The following CCNI2 variants were observed in gnomAD, a reference collection of about 807,000 sequenced individuals.
CCNI2 encodes the protein cyclin I family member 2, also known as cyclin-I2.
In CCNI2, 32 loss-of-function variants were observed where a neutral mutation model predicts 33.2. The ratio of observed to expected loss-of-function variants is 0.96; its 90% CI spans 0.73 to 1.30. The LOEUF (loss-of-function observed/expected upper bound fraction) is 1.30. CCNI2 is among the 50% of genes most tolerant of loss of function. The pLI is 0.00. For synonymous variants in CCNI2, 231 were observed against 219.9 expected, an observed-to-expected ratio of 1.05 and a Z score of -0.45; for missense variants, 452 against 486.2, an observed-to-expected ratio of 0.93 and a Z score of 0.66.
Position 132,752,888 on chromosome 5 carries a change from G to A in CCNI2, c.1028G>A (p.Cys343Tyr). 1 of 1,613,934 alleles carries A rather than the reference G, an allele frequency of 6.2e-7. No homozygotes were observed. Among genetic ancestry groups the A allele is most frequent in the Non-Finnish European group, 8.5e-7 (1 of 1,179,886 alleles). The change falls in exon 6 of 6, where the codon TGC (cysteine) becomes TAC (tyrosine). Residue 343 changes from cysteine to tyrosine, a missense_variant. Physicochemically the swap from Cys to Tyr is radical, Grantham distance 194. Coordinates refer to ENST00000378731, the MANE Select transcript of CCNI2 (RefSeq NM_001039780.4). ...KAQVGDMQYS[C>Y]CKELVMQQLR... ...CAGGTTGGTGATATGCAGTACAGCTGCTGCAAGGAACTTGTAATGCAGCAA... is the reference window on the plus strand; with the variant it reads ...CAGGTTGGTGATATGCAGTACAGCTACTGCAAGGAACTTGTAATGCAGCAA...
rs1237442664 is a variant in CCNI2, at chr5:132,747,484, C to G, written c.-12C>G. On this transcript the variant is annotated 5_prime_UTR_variant, in exon 1 of 6. It adds an upstream start codon to the 5' untranslated region. Coordinates refer to ENST00000378731, the MANE Select transcript of CCNI2 (RefSeq NM_001039780.4). The surrounding 1 kb of genome is among the most constrained non-coding windows in gnomAD (Gnocchi z 4.1). The stretch of plus-strand genomic sequence containing the variant: ...TTAAGCGGCAACTCAGACTCAGGAT[C>G]CCGCTCACGACATGGCCTCGGGCGC... The G allele has an allele frequency of 1.4e-6, 2 of 1,449,780 alleles. No homozygotes were observed. Among genetic ancestry groups the G allele is most frequent in the East Asian group, 5.8e-5 (2 of 34,196 alleles). 89.8% of individuals were successfully genotyped at this position (1,449,780 alleles called of 1,614,324 possible).
At chr5:132,751,793 C>T in intron 4 of CCNI2, 173 bp from the exon 5 acceptor site, 1 of 750,676 alleles carries the variant, frequency 1.3e-6, no homozygotes, top group Non-Finnish European at 2.1e-6. Context: ...CTCAGCTTGG[C>T]CACAGGATGG....
intron 1 of CCNI2, 26 bp from the exon 2 acceptor site, chr5:132,748,321 G>C (rs905047214): frequency 1.2e-6 from 2 of 1,612,784 alleles, no homozygotes; most frequent in East Asian, 2.2e-5. Flanking sequence ...GACCTTCCTC[G>C]CCCCACCTGC....
Position 132,752,978 on chromosome 5 carries a change from G to A in CCNI2, c.*8G>A, listed in dbSNP as rs1167464711. 1 of 1,610,360 alleles carries A rather than the reference G, an allele frequency of 6.2e-7. No individual in the cohort carries two copies. The highest frequency in any genetic ancestry group is 1.3e-5 in the African/African-American group (1 of 74,832). On this transcript the variant is annotated 3_prime_UTR_variant, in exon 6 of 6. Transcript: ENST00000378731. ...GTGTCACCTGCCAACTAGCCCCTCT[G>A]CCTCCACCCCGGGGCTTTCAGAGCA...
Position 132,747,464 on chromosome 5 carries a change from CG to C in CCNI2, c.-30del. On this transcript the variant is annotated 5_prime_UTR_variant, in exon 1 of 6. Coordinates refer to ENST00000378731, the MANE Select transcript of CCNI2 (RefSeq NM_001039780.4). The surrounding 1 kb of genome is among the most constrained non-coding windows in gnomAD (Gnocchi z 4.1). ...CTGGGTTATAAAATGCCGGGTTAAG[CG>C]GCAACTCAGACTCAGGATCCCGCTC... 1 of 1,411,284 alleles carries C rather than the reference CG, an allele frequency of 7.1e-7. No individual in the cohort carries two copies. The highest frequency in any genetic ancestry group is 9.2e-7 in the Non-Finnish European group (1 of 1,089,396). 87.4% of individuals were successfully genotyped at this position (1,411,284 alleles called of 1,614,324 possible). A position where few individuals can be genotyped will look rare whatever the true frequency, so the allele number is the denominator to read the frequency against.
At chr5:132,752,409 G>T (rs1353385674) in intron 5 of CCNI2, among the ~76,000 whole-genome samples, 9 of 152,302 alleles carry the variant, frequency 5.9e-5, no homozygotes, top group African/African-American at 2.2e-4. Flanking sequence ...TGGACCAATG[G>T]GGGTGGTCTC....
chr5:132,747,606 T>G lies in CCNI2; in HGVS notation c.111T>G (p.Val37=). ...GAGLEETALG[V]PLPPSPGEAP... The stretch of plus-strand genomic sequence containing the variant: ...GTCTGGAGGAAACAGCCCTGGGCGT[T>G]CCTCTCCCGCCGTCTCCGGGGGAGG... Residue 37 remains valine (V), a synonymous_variant, in exon 1 of 6, where the codon GTT becomes GTG. Transcript: ENST00000378731. The surrounding 1 kb of genome is among the most constrained non-coding windows in gnomAD (Gnocchi z 4.1). 6.7e-7 allele frequency: 1 copy of G among 1,500,254 alleles called. No homozygotes were observed. The highest frequency in any genetic ancestry group is 8.8e-7 in the Non-Finnish European group (1 of 1,131,140). 92.9% of individuals were successfully genotyped at this position (1,500,254 alleles called of 1,614,324 possible).
chr5:132,748,299 G>A (rs758940686), intron 1 of CCNI2, 48 bp from the exon 2 acceptor site: 6 of 1,605,806 alleles, frequency 3.7e-6, no homozygotes, highest in Non-Finnish European at 5.1e-6. Flanking sequence ...GGGACCAGGA[G>A]TGGCCGCTAG....
chr5:132,747,621 T>C lies in CCNI2; in HGVS notation c.126T>C (p.Ser42=). The change falls in exon 1 of 6, where the codon TCT becomes TCC. Residue 42 remains serine (S), a synonymous_variant. Transcript: ENST00000378731. This position sits in a 1 kb window ranked among gnomAD's most constrained non-coding sequence, Gnocchi z 4.1. The stretch of plus-strand genomic sequence containing the variant: ...CCCTGGGCGTTCCTCTCCCGCCGTC[T>C]CCGGGGGAGGCCCCTCTGCCCCGAA... The part of the protein sequence containing the change: ...ETALGVPLPP[S]PGEAPLPRSN... 6.7e-7 allele frequency: 1 copy of C among 1,501,244 alleles called. No individual in the cohort carries two copies. Among genetic ancestry groups the C allele is most frequent in the Non-Finnish European group, 8.8e-7 (1 of 1,131,666 alleles). 93.0% of individuals were successfully genotyped at this position (1,501,244 alleles called of 1,614,324 possible). A position where few individuals can be genotyped will look rare whatever the true frequency, so the allele number is the denominator to read the frequency against.
intron 3 of CCNI2, 46 bp downstream of exon 3, chr5:132,749,468 G>C (rs1408861010): frequency 1.3e-6 from 2 of 1,494,048 alleles, no homozygotes; most frequent in South Asian, 2.3e-5. Flanking sequence ...TGAGGTATAG[G>C]GGTGTAACAT....
Position 132,752,170 on chromosome 5 carries a change from A to G in CCNI2, c.979A>G (p.Ile327Val), listed in dbSNP as rs1315998224. 19 of 1,585,218 alleles carry G rather than the reference A, an allele frequency of 1.2e-5. No individual in the cohort carries two copies. The highest frequency in any genetic ancestry group is 1.5e-5 in the Non-Finnish European group (17 of 1,164,534). Residue 327 changes from isoleucine to valine, a missense_variant, in exon 5 of 6, where the codon ATA (isoleucine) becomes GTA (valine). Coordinates refer to ENST00000378731, the MANE Select transcript of CCNI2 (RefSeq NM_001039780.4). ...ERLMPGWCAPISDLLKKAQVG... is the reference protein window; with the variant it reads ...ERLMPGWCAPVSDLLKKAQVG... ...GCTCATGCCCGGCTGGTGTGCTCCT[A>G]TATCTGATCTGCTAAAGAAAGCACA... is the stretch of plus-strand genomic sequence containing the variant.
downstream of CCNI2, chr5:132,756,034 A>G (rs1174020738): frequency 2.0e-6 from 2 of 985,274 alleles, no homozygotes; most frequent in African/African-American, 1.7e-5. Flanking sequence ...AATGAAAAAA[A>G]TAAGTACAAA....
Position 132,747,898 on chromosome 5 carries a change from C to T in CCNI2, c.403C>T (p.Arg135Cys). 7 of 1,394,214 alleles carry T rather than the reference C, an allele frequency of 5.0e-6. No individual in the cohort carries two copies. Among genetic ancestry groups the T allele is most frequent in the Non-Finnish European group, 6.5e-6 (7 of 1,082,020 alleles). 86.4% of individuals were successfully genotyped at this position (1,394,214 alleles called of 1,614,324 possible). ...GCAGCTGGCCCAGGACCGCGAGGCGCGCCTGTGGCGGGGCGGCAAACCCCA... is the reference window on the plus strand; with the variant it reads ...GCAGCTGGCCCAGGACCGCGAGGCGTGCCTGTGGCGGGGCGGCAAACCCCA... Reference protein sequence around the residue: ...HLQLAQDREARLWRGGKPQDE... With the variant: ...HLQLAQDREACLWRGGKPQDE... The change falls in exon 1 of 6, where the codon CGC becomes TGC. Residue 135 changes from arginine (R) to cysteine (C), a missense_variant. By Grantham distance (180) the Arg-to-Cys change is radical. Transcript: ENST00000378731. This position sits in a 1 kb window ranked among gnomAD's most constrained non-coding sequence, Gnocchi z 4.1.
downstream of CCNI2, among the ~76,000 whole-genome samples, chr5:132,754,916 A>C (rs897219668): frequency 1.3e-5 from 2 of 152,230 alleles, no homozygotes; most frequent in African/African-American, 4.8e-5. Flanking sequence ...TGGCAGAAAG[A>C]AAGGTAGGTG....
intron 5 of CCNI2, among the ~76,000 whole-genome samples, chr5:132,752,658 A>T (rs567412977): frequency 1.3e-5 from 2 of 152,262 alleles, no homozygotes; most frequent in Non-Finnish European, 2.9e-5. Context: ...CTCAGAACAG[A>T]TAGGTTAGGA....
intron 1 of CCNI2, 93 bp from the exon 2 acceptor site, chr5:132,748,254 C>T: frequency 6.5e-7 from 1 of 1,533,532 alleles, no homozygotes; most frequent in Non-Finnish European, 8.8e-7. Flanking sequence ...ACTGCCCCAC[C>T]CCCCGCACCT....
At position 132,747,680 on chromosome 5, in the gene CCNI2, C is replaced by T. The variant is rs761557750; in HGVS notation, c.185C>T (p.Pro62Leu). The change falls in exon 1 of 6, where the codon CCC becomes CTC. Residue 62 changes from proline to leucine, a missense_variant. Coordinates refer to ENST00000378731, the MANE Select transcript of CCNI2 (RefSeq NM_001039780.4). The surrounding 1 kb of genome is among the most constrained non-coding windows in gnomAD (Gnocchi z 4.1). The stretch of plus-strand genomic sequence containing the variant: ...AGCAGGTGCCCTGGGACCCGCCAGC[C>T]CGGAGCGGCCTCCCTCCACGCGGCG... Reference protein sequence around the residue: ...NRSRCPGTRQPGAASLHAASA... With the variant: ...NRSRCPGTRQLGAASLHAASA... 1.1e-5 allele frequency: 17 copies of T among 1,500,366 alleles called. No homozygotes were observed. The highest frequency in any genetic ancestry group is 1.5e-5 in the Non-Finnish European group (17 of 1,132,092). The allele number at this position is 1,500,366 out of a possible 1,614,324, so 92.9% of individuals were successfully genotyped here. A position where few individuals can be genotyped will look rare whatever the true frequency, so the allele number is the denominator to read the frequency against.
intron 5 of CCNI2, 64 bp from the exon 6 acceptor site, chr5:132,752,802 A>G (rs1259921942): frequency 7.0e-7 from 1 of 1,436,102 alleles, no homozygotes; most frequent in Non-Finnish European, 9.7e-7. Context: ...TTTGGCACTC[A>G]ATTGCCAATT....
Position 132,754,382 on chromosome 5 carries a change from A to C in CCNI2, c.*1412A>C. 3 of 717,314 alleles carry C rather than the reference A, an allele frequency of 4.2e-6. No homozygotes were observed. The highest frequency in any genetic ancestry group is 5.2e-6 in the Non-Finnish European group (2 of 385,020). The allele number at this position is 717,314 out of a possible 1,614,324, so 44.4% of individuals were successfully genotyped here. ...TCCAGTGTAAGTGGGACCACAGTGC[A>C]TGAGGCAGAAGGACATCCTGAGGGC... On this transcript the variant is annotated 3_prime_UTR_variant, in exon 6 of 6. Transcript: ENST00000378731.
Sources: allele counts gnomAD v4.1 joint callset (sites outside exome capture counted in the v4.1 genomes callset), GRCh38; gene constraint gnomAD v4.1.1; non-coding constraint Gnocchi (gnomAD v3.1); transcripts MANE v1.5; gene names NCBI Gene and HGNC (gene_info 2026-07-23, HGNC 2026-07-21).